Variants in LARGE1 observed in about 807,000 individuals in gnomAD.
The protein encoded by LARGE1 is LARGE xylosyl- and glucuronyltransferase 1.
In LARGE1, 43 loss-of-function variants were observed where a neutral mutation model predicts 87.6. That is an observed-to-expected ratio of 0.49 (90% CI 0.38 to 0.63). The LOEUF (loss-of-function observed/expected upper bound fraction) is 0.63. LARGE1 is among the 30% of genes least tolerant of loss of function. The pLI is 0.00. For missense variants in LARGE1, 802 were observed against 1,000.2 expected (o/e 0.80, Z 2.67); for synonymous variants, 434 against 394.6 (o/e 1.10, Z -1.18).
intron 2 of LARGE1, among the ~76,000 whole-genome samples, chr22:33,690,789 GAGGCTGGCACTCGATGTTGC>G (rs1393043605): frequency 1.3e-5 from 2 of 152,130 alleles, no homozygotes; most frequent in African/African-American, 2.4e-5. Flanking sequence ...GCTAGCTGAT[GAGGCTGGCACTCGATGTTGC>G]AGGCTGGCAC....
chr22:33,824,238 T>C (rs1312104090), intron 1 of LARGE1, among the ~76,000 whole-genome samples: 1 of 152,186 alleles, frequency 6.6e-6, no homozygotes, highest in Admixed American at 6.5e-5. Flanking sequence ...TGAGACTGGG[T>C]AATTTATAAG....
chr22:33,825,587 G>C (rs1489753968), intron 1 of LARGE1, among the ~76,000 whole-genome samples: 1 of 152,106 alleles, frequency 6.6e-6, no homozygotes, highest in Non-Finnish European at 1.5e-5. Flanking sequence ...ATCAGATCTC[G>C]TGAGAACTCA....
At chr22:33,896,243 C>T (rs897108952) in intron 1 of LARGE1, among the ~76,000 whole-genome samples, 1 of 152,208 alleles carries the variant, frequency 6.6e-6, no homozygotes, top group African/African-American at 2.4e-5. Flanking sequence ...AAAGTTCATC[C>T]ATGTTGTCGC....
intron 11 of LARGE1, among the ~76,000 whole-genome samples, chr22:33,176,978 T>C (rs2146152862): frequency 6.6e-6 from 1 of 152,138 alleles, no homozygotes; most frequent in Admixed American, 6.5e-5. Flanking sequence ...TATGCAGCCA[T>C]AAAAAAGGAT....
At chr22:33,837,075 C>T (rs1171199470) in intron 1 of LARGE1, among the ~76,000 whole-genome samples, 1 of 152,130 alleles carries the variant, frequency 6.6e-6, no homozygotes, top group African/African-American at 2.4e-5. Context: ...GCTTCGCCTC[C>T]AGCTAACTCT....
chr22:33,546,655 G>T (rs1273551953), intron 6 of LARGE1, among the ~76,000 whole-genome samples: 1 of 152,104 alleles, frequency 6.6e-6, no homozygotes, highest in Non-Finnish European at 1.5e-5. Flanking sequence ...TGCAATCTCA[G>T]CTCACTGCAA....
At chr22:33,837,991 C>T (rs1009020894) in intron 1 of LARGE1, among the ~76,000 whole-genome samples, 4 of 152,212 alleles carry the variant, frequency 2.6e-5, no homozygotes, top group Non-Finnish European at 5.9e-5. Flanking sequence ...TGGCAACTCG[C>T]AATCACTGTA....
chr22:33,155,905 C>A, the LARGE1 span, among the ~76,000 whole-genome samples: 1 of 152,202 alleles, frequency 6.6e-6, no homozygotes. Flanking sequence ...CCCAGCCACT[C>A]CAGCTGTGAC....
chr22:33,579,416 A>C (rs1309647536), intron 5 of LARGE1, among the ~76,000 whole-genome samples: 1 of 152,180 alleles, frequency 6.6e-6, no homozygotes, highest in Non-Finnish European at 1.5e-5. Context: ...TCTTGGGTAT[A>C]TCTTTATCAG....
At chr22:33,446,299 A>G (rs912984330) in intron 6 of LARGE1, among the ~76,000 whole-genome samples, 1 of 152,186 alleles carries the variant, frequency 6.6e-6, no homozygotes. Flanking sequence ...TGTATCCTTT[A>G]TAACAAACCT....
chr22:33,839,969 T>C (rs571025889), intron 1 of LARGE1, among the ~76,000 whole-genome samples: 7 of 152,284 alleles, frequency 4.6e-5, no homozygotes, highest in African/African-American at 7.2e-5. Context: ...CCTTCTGCTG[T>C]AGGAGACATA....
At chr22:33,487,730 T>C (rs1171155167) in intron 6 of LARGE1, among the ~76,000 whole-genome samples, 1 of 152,168 alleles carries the variant, frequency 6.6e-6, no homozygotes, top group Non-Finnish European at 1.5e-5. Context: ...CTTCTTGGCC[T>C]GGTGTACTGG....
At chr22:33,436,783 C>T (rs1381493498) in intron 6 of LARGE1, 1 of 152,608 alleles carries the variant, frequency 6.6e-6, no homozygotes, top group East Asian at 1.9e-4. Flanking sequence ...TTCTTTCACG[C>T]TGTTAAATTT....
At chr22:33,877,678 T>C (rs2064510173) in intron 1 of LARGE1, among the ~76,000 whole-genome samples, 1 of 152,062 alleles carries the variant, frequency 6.6e-6, no homozygotes, top group Non-Finnish European at 1.5e-5. Context: ...ATCCCAGCAA[T>C]TTGGGAGGCT....
chr22:33,337,596 G>C (rs777730704), intron 10 of LARGE1, 50 bp downstream of exon 10: 3 of 1,609,010 alleles, frequency 1.9e-6, no homozygotes, highest in Non-Finnish European at 2.5e-6. Context: ...GTCCTTGATG[G>C]ATGAGCAGAG....
chr22:33,509,232 G>A (rs773233156), intron 6 of LARGE1, among the ~76,000 whole-genome samples: 1 of 152,262 alleles, frequency 6.6e-6, no homozygotes, highest in South Asian at 2.1e-4. Context: ...GTTCCCAAGT[G>A]AGGCTGATGC....
chr22:33,161,374 A>C (rs1348315525), downstream of LARGE1, among the ~76,000 whole-genome samples: 1 of 152,110 alleles, frequency 6.6e-6, no homozygotes, highest in Admixed American at 6.6e-5. Flanking sequence ...AAACACAATC[A>C]TGCCTTCCCA....
At chr22:33,706,764 C>T (rs1433322630) in intron 2 of LARGE1, among the ~76,000 whole-genome samples, 1 of 152,188 alleles carries the variant, frequency 6.6e-6, no homozygotes, top group Non-Finnish European at 1.5e-5. Flanking sequence ...ACATAAATCC[C>T]TGTGAATTGG....
rs555057429 is a variant in LARGE1, at chr22:33,479,816, C to G, written c.788-47551G>C. Among the ~76,000 whole-genome samples, 3 of 151,064 alleles carry G rather than the reference C, an allele frequency of 2.0e-5. No homozygotes were observed. The East Asian group carries it at 5.8e-4, about 29-fold the overall frequency. Reference sequence around the variant, plus strand: ...CTGGAGTACAGTGGTGCAGTCTCAGCTCACTGCAACCTCTGTGTCCCAGGT... The same window carrying G: ...CTGGAGTACAGTGGTGCAGTCTCAGGTCACTGCAACCTCTGTGTCCCAGGT... On this transcript the variant is annotated intron_variant, in intron 6 of 14. Coordinates refer to ENST00000397394, the MANE Select transcript of LARGE1 (RefSeq NM_133642.5).
Sources: allele counts gnomAD v4.1 joint callset (sites outside exome capture counted in the v4.1 genomes callset), GRCh38; gene constraint gnomAD v4.1.1; transcripts MANE v1.5; gene names NCBI Gene and HGNC (gene_info 2026-07-23, HGNC 2026-07-21).